GRIK4: variants seen among roughly 807,000 people sequenced by gnomAD.
The protein encoded by GRIK4 is glutamate ionotropic receptor kainate type subunit 4.
Under a neutral mutation model 104.9 loss-of-function variants are expected in GRIK4, and 40 were observed. The ratio of observed to expected loss-of-function variants is 0.38; its 90% CI spans 0.30 to 0.50. The LOEUF (loss-of-function observed/expected upper bound fraction) is 0.50, where lower values mean the gene tolerates loss of function less well. Ranked by LOEUF, GRIK4 falls within the 20% of genes least tolerant of loss-of-function variation. The probability of loss-of-function intolerance (pLI) is 0.93; values close to 1 mark genes in which losing one functional copy is unlikely to be tolerated. For missense variants in GRIK4, 1,047 were observed against 1,308.1 expected, an observed-to-expected ratio of 0.80 and a Z score of 3.08; for synonymous variants, 485 against 524.9, an observed-to-expected ratio of 0.92 and a Z score of 1.04.
At chr11:120,551,387 T>C (rs1948138053) in intron 1 of GRIK4, among the ~76,000 whole-genome samples, 1 of 152,156 alleles carries the variant, frequency 6.6e-6, no homozygotes, top group African/African-American at 2.4e-5. Flanking sequence ...CCCGCCCTCA[T>C]ACCCAGGAGG....
chr11:120,796,136 C>T (rs1013063513), intron 3 of GRIK4, among the ~76,000 whole-genome samples: 4 of 151,258 alleles, frequency 2.6e-5, no homozygotes, highest in South Asian at 2.1e-4. Context: ...CCCAGGTTCA[C>T]GCCATTCTCC....
chr11:120,904,534 C>T (rs937057398), intron 12 of GRIK4, among the ~76,000 whole-genome samples: 5 of 152,216 alleles, frequency 3.3e-5, no homozygotes, highest in South Asian at 2.1e-4. Flanking sequence ...CGCAGCCTTG[C>T]GTCTTTAAAA....
intron 1 of GRIK4, among the ~76,000 whole-genome samples, chr11:120,593,108 G>C (rs1316575689): frequency 6.6e-6 from 1 of 151,614 alleles, no homozygotes; most frequent in Non-Finnish European, 1.5e-5. Flanking sequence ...GCTTGAACCC[G>C]GGAGGCAGAG....
intron 13 of GRIK4, among the ~76,000 whole-genome samples, chr11:120,909,194 G>A (rs1462528421): frequency 6.6e-6 from 1 of 152,266 alleles, no homozygotes; most frequent in East Asian, 1.9e-4. Context: ...TCAGTAGAAT[G>A]CAGTTGGTGC....
At chr11:120,664,147 A>G (rs1341757553) in intron 3 of GRIK4, among the ~76,000 whole-genome samples, 2 of 152,222 alleles carry the variant, frequency 1.3e-5, no homozygotes, top group Non-Finnish European at 2.9e-5. Context: ...CATGTTTGGT[A>G]TCATTGTTTT....
chr11:120,923,362 T>G (rs1411374740), intron 13 of GRIK4, among the ~76,000 whole-genome samples: 3 of 151,612 alleles, frequency 2.0e-5, no homozygotes, highest in Non-Finnish European at 2.9e-5. Flanking sequence ...CAACGAACAC[T>G]TACTGAGCAC....
At chr11:120,931,218 G>C (rs962525434) in intron 13 of GRIK4, among the ~76,000 whole-genome samples, 13 of 152,224 alleles carry the variant, frequency 8.5e-5, no homozygotes, top group African/African-American at 2.7e-4. Flanking sequence ...TCACAGGTCA[G>C]AGCAGGTGGA....
At chr11:120,702,334 G>C (rs1344769116) in intron 3 of GRIK4, among the ~76,000 whole-genome samples, 5 of 152,156 alleles carry the variant, frequency 3.3e-5, no homozygotes, top group Non-Finnish European at 7.3e-5. Flanking sequence ...GCTGGTTTAG[G>C]GGTAAGAGGT....
At chr11:120,665,123 G>C (rs974688327) in intron 3 of GRIK4, among the ~76,000 whole-genome samples, 1 of 151,936 alleles carries the variant, frequency 6.6e-6, no homozygotes, top group Non-Finnish European at 1.5e-5. Context: ...AGAATTGGGG[G>C]AGACAAGGGA....
intron 8 of GRIK4, among the ~76,000 whole-genome samples, chr11:120,850,953 CA>C (rs749758766): frequency 7.2e-5 from 11 of 152,046 alleles, no homozygotes; most frequent in Non-Finnish European, 1.5e-4. Flanking sequence ...AAGGCGTCAA[CA>C]GCTCCGTAAA....
chr11:120,931,774 G>T (rs989789190), intron 13 of GRIK4, among the ~76,000 whole-genome samples: 18 of 152,164 alleles, frequency 1.2e-4, no homozygotes, highest in Non-Finnish European at 2.5e-4. Flanking sequence ...GATATTACAA[G>T]TCCAATACTG....
chr11:120,847,894 C>G (rs1284714830), intron 8 of GRIK4, among the ~76,000 whole-genome samples: 1 of 152,218 alleles, frequency 6.6e-6, no homozygotes. Context: ...TGTCCCTCTT[C>G]CAGGGAATGG....
chr11:120,943,477 G>A (rs1166562156), intron 14 of GRIK4, among the ~76,000 whole-genome samples: 1 of 152,068 alleles, frequency 6.6e-6, no homozygotes, highest in Non-Finnish European at 1.5e-5. Context: ...AACAGAGGAG[G>A]GCCTTAGGAA....
chr11:120,714,420 A>G (rs1431793629), intron 3 of GRIK4, among the ~76,000 whole-genome samples: 3 of 152,174 alleles, frequency 2.0e-5, no homozygotes, highest in South Asian at 4.1e-4. Context: ...GCAGTTATTT[A>G]TTGAACACCT....
chr11:120,563,911 C>G (rs995396534), intron 1 of GRIK4, among the ~76,000 whole-genome samples: 2 of 152,214 alleles, frequency 1.3e-5, no homozygotes, highest in African/African-American at 4.8e-5. Flanking sequence ...CGTCTGGGCC[C>G]CCTCTCCAGT....
chr11:120,696,624 G>A (rs1195721138), intron 3 of GRIK4, among the ~76,000 whole-genome samples: 1 of 151,946 alleles, frequency 6.6e-6, no homozygotes. Context: ...AATAGAAGCA[G>A]CCAGAATGGC....
chr11:120,536,510 G>T (rs1226275346), intron 1 of GRIK4, among the ~76,000 whole-genome samples: 2 of 152,150 alleles, frequency 1.3e-5, no homozygotes, highest in Non-Finnish European at 2.9e-5. Context: ...ATTACAGATT[G>T]GGGGGGCCTG....
chr11:120,910,822 C>T (rs1942974729), intron 13 of GRIK4, among the ~76,000 whole-genome samples: 1 of 152,180 alleles, frequency 6.6e-6, no homozygotes, highest in African/African-American at 2.4e-5. Context: ...TGGAGAAGGG[C>T]TCTGAACTCT....
chr11:120,985,780 C>A, intron 20 of GRIK4, 124 bp from the exon 21 acceptor site: 1 of 812,652 alleles, frequency 1.2e-6, no homozygotes, highest in Non-Finnish European at 1.9e-6. Context: ...CTTTTATCAT[C>A]TTCATACTTA....
Sources: gnomAD v4.1 joint callset for allele counts (sites outside exome capture counted in the v4.1 genomes callset) on GRCh38, gnomAD v4.1.1 for gene constraint, MANE v1.5 for transcripts, NCBI Gene and HGNC (gene_info 2026-07-23, HGNC 2026-07-21) for gene names.